Variants in KCNAB1 observed in about 807,000 individuals in gnomAD.
KCNAB1 encodes the protein voltage-gated potassium channel subunit beta-1.
A neutral mutation model predicts 64.6 loss-of-function variants in KCNAB1; 35 were observed. The observed-to-expected ratio is 0.54, with a 90% CI of 0.41 to 0.72. KCNAB1 has a LOEUF of 0.72. Among genes scored for constraint, KCNAB1 ranks in the 30% least tolerant of loss-of-function variants. KCNAB1 has a pLI of 0.00. For synonymous variants in KCNAB1, 177 were observed against 183.8 expected, an observed-to-expected ratio of 0.96 and a Z score of 0.30; for missense variants, 401 against 512.9, an observed-to-expected ratio of 0.78 and a Z score of 2.11.
intron 7 of KCNAB1, among the ~76,000 whole-genome samples, chr3:156,465,976 A>G (rs1359020832): frequency 1.3e-5 from 2 of 152,226 alleles, no homozygotes; most frequent in African/African-American, 4.8e-5. Flanking sequence ...TTATTGAGAT[A>G]TAATGTACGT....
chr3:156,333,439 T>C, intron 1 of KCNAB1, among the ~76,000 whole-genome samples: 1 of 152,128 alleles, frequency 6.6e-6, no homozygotes, highest in Non-Finnish European at 1.5e-5. Flanking sequence ...TAATAATATA[T>C]CTTAAAATCT....
At chr3:156,424,388 T>G (rs535209433) in intron 2 of KCNAB1, among the ~76,000 whole-genome samples, 1 of 152,310 alleles carries the variant, frequency 6.6e-6, no homozygotes, top group Admixed American at 6.5e-5. Context: ...GGCAGTATTG[T>G]TCACCATAAG....
rs373761361 is a variant in KCNAB1, at chr3:156,531,404, C to T, written c.1082-5C>T. 6.2e-7 allele frequency: 1 copy of T among 1,609,388 alleles called. No individual in the cohort carries two copies. The highest frequency in any genetic ancestry group is 8.5e-7 in the Non-Finnish European group (1 of 1,175,576). On this transcript the variant is annotated splice_polypyrimidine_tract_variant and splice_region_variant and intron_variant, in intron 12 of 13. Transcript: ENST00000490337. ...ATAAACTGACCCAGTGTCCTCTCCT[C>T]CCAGCGTGGTGCCTGAGAAATGAAG...
At chr3:156,515,339 C>A in intron 10 of KCNAB1, 119 bp downstream of exon 10, 2 of 894,508 alleles carry the variant, frequency 2.2e-6, no homozygotes, top group Non-Finnish European at 3.3e-6. Context: ...TTAACATAGA[C>A]ATTGTAAGAA....
intron 2 of KCNAB1, among the ~76,000 whole-genome samples, chr3:156,437,846 T>A (rs772922177): frequency 1.3e-5 from 2 of 152,166 alleles, no homozygotes; most frequent in Non-Finnish European, 2.9e-5. Flanking sequence ...ACCTTCCAAA[T>A]TTTTCTTCAT....
At chr3:156,307,292 A>G (rs1249484554) in intron 1 of KCNAB1, among the ~76,000 whole-genome samples, 3 of 152,100 alleles carry the variant, frequency 2.0e-5, no homozygotes, top group African/African-American at 4.8e-5. Context: ...CAGAGACTAT[A>G]CTGATTTGAT....
In KCNAB1 at chr3:156,185,812, G is replaced by A. The variant is rs141551936; in HGVS notation, c.275+64926G>A. On this transcript the variant is annotated intron_variant, in intron 1 of 13. Transcript: ENST00000490337. Reference sequence around the variant, plus strand: ...TCTTCTATTTTTAAAAAGAGGAAGAGTGATCTTCTTGTACCTTCTGTTTTT... The same window carrying A: ...TCTTCTATTTTTAAAAAGAGGAAGAATGATCTTCTTGTACCTTCTGTTTTT... Among the ~76,000 whole-genome samples, 933 of 152,176 alleles carry A rather than the reference G, an allele frequency of 6.1e-3. 10 individuals are homozygous for A. The highest frequency in any genetic ancestry group is 0.024 in the Middle Eastern group (7 of 294).
At chr3:156,355,831 C>T (rs994753324) in intron 1 of KCNAB1, among the ~76,000 whole-genome samples, 1 of 151,856 alleles carries the variant, frequency 6.6e-6, no homozygotes. Context: ...AAATGTGACC[C>T]GAGGGCTGGC....
chr3:156,416,289 C>G (rs1715070923), intron 1 of KCNAB1, among the ~76,000 whole-genome samples: 1 of 152,218 alleles, frequency 6.6e-6, no homozygotes, highest in Admixed American at 6.5e-5. Flanking sequence ...ACTGTTTTAT[C>G]TGGCTCCTGC....
In KCNAB1 at chr3:156,158,441, TA is replaced by T. The variant is rs1170445111; in HGVS notation, c.275+37558del. ...CAGGAGAAAAATTTGGGCTCTCATG[TA>T]AACAAGACACTGAAATGCATTCTAT... On this transcript the variant is annotated intron_variant, in intron 1 of 13. Coordinates refer to ENST00000490337, the MANE Select transcript of KCNAB1 (RefSeq NM_172160.3). Among the ~76,000 whole-genome samples the T allele has an allele frequency of 2.0e-5, 3 of 152,162 alleles. No individual in the cohort carries two copies. In the East Asian group the frequency reaches 5.8e-4, roughly 29 times the overall value.
chr3:156,446,832 C>T (rs1390408880), intron 2 of KCNAB1: 2 of 152,288 alleles, frequency 1.3e-5, no homozygotes, highest in Non-Finnish European at 2.9e-5. Context: ...GTTTCAGCCT[C>T]GCCTCTGCAG....
At chr3:156,258,591 T>C (rs945859866) in intron 1 of KCNAB1, among the ~76,000 whole-genome samples, 10 of 152,212 alleles carry the variant, frequency 6.6e-5, no homozygotes, top group Admixed American at 5.9e-4. Flanking sequence ...CACTCCCAAA[T>C]GTCCTCCCTC....
intron 1 of KCNAB1, among the ~76,000 whole-genome samples, chr3:156,230,035 G>A (rs1412947913): frequency 1.3e-5 from 2 of 152,060 alleles, no homozygotes; most frequent in East Asian, 3.9e-4. Context: ...TAAGCTCACA[G>A]GCTTATTCTT....
chr3:156,154,266 C>T (rs1715586694), intron 1 of KCNAB1, among the ~76,000 whole-genome samples: 1 of 152,172 alleles, frequency 6.6e-6, no homozygotes, highest in Non-Finnish European at 1.5e-5. Flanking sequence ...TATTACAGAG[C>T]CATGGGCCTC....
intron 1 of KCNAB1, among the ~76,000 whole-genome samples, chr3:156,414,171 G>A (rs1252786946): frequency 1.3e-5 from 2 of 152,294 alleles, no homozygotes; most frequent in Non-Finnish European, 1.5e-5. Flanking sequence ...AGGCATAGAA[G>A]TCCTACCTCA....
intron 8 of KCNAB1, among the ~76,000 whole-genome samples, chr3:156,478,325 C>T (rs938407414): frequency 2.6e-5 from 4 of 152,138 alleles, no homozygotes; most frequent in African/African-American, 9.7e-5. Context: ...ATTAAATCTA[C>T]ATTTATTAAT....
At chr3:156,325,289 A>G (rs1224949194) in intron 1 of KCNAB1, among the ~76,000 whole-genome samples, 1 of 152,180 alleles carries the variant, frequency 6.6e-6, no homozygotes, top group Admixed American at 6.6e-5. Context: ...ACTTTGCAGT[A>G]CAGTCATAAT....
chr3:156,177,315 ACTT>A (rs1463702114), intron 1 of KCNAB1, among the ~76,000 whole-genome samples: 1 of 152,000 alleles, frequency 6.6e-6, no homozygotes, highest in Non-Finnish European at 1.5e-5. Flanking sequence ...ATACCCAGAC[ACTT>A]CTTATAATTG....
At chr3:156,159,050 C>T (rs115839040) in intron 1 of KCNAB1, among the ~76,000 whole-genome samples, 329 of 151,860 alleles carry the variant, frequency 2.2e-3, no homozygotes, top group African/African-American at 7.5e-3. Flanking sequence ...TAGTTTATGG[C>T]GAGGCAACCT....
Sources: gnomAD v4.1 joint callset for allele counts (sites outside exome capture counted in the v4.1 genomes callset) on GRCh38, gnomAD v4.1.1 for gene constraint, MANE v1.5 for transcripts, NCBI Gene and HGNC (gene_info 2026-07-23, HGNC 2026-07-21) for gene names.